The following AUTS2 variants were observed in gnomAD, a reference collection of about 807,000 sequenced individuals.
AUTS2 encodes the protein activator of transcription and developmental regulator AUTS2.
In AUTS2, 17 loss-of-function variants were observed where a neutral mutation model predicts 112.4. The ratio of observed to expected loss-of-function variants is 0.15; its 90% CI spans 0.10 to 0.23. The LOEUF (loss-of-function observed/expected upper bound fraction) is 0.23. Ranked by LOEUF, AUTS2 falls within the 10% of genes least tolerant of loss-of-function variation. AUTS2 has a pLI of 1.00. For missense variants in AUTS2, 1,510 were observed against 1,701.6 expected (o/e 0.89, Z 1.98); for synonymous variants, 751 against 702.7 (o/e 1.07, Z -1.09).
Position 70,750,678 on chromosome 7 carries a change from A to G in AUTS2, c.743-12192A>G, listed in dbSNP as rs143673163. Reference sequence around the variant, plus strand: ...TGGCCTCCCAAAGTGCTGGGATTACAGGCGTGAGCCACCACACCCGTCCAA... The same window carrying G: ...TGGCCTCCCAAAGTGCTGGGATTACGGGCGTGAGCCACCACACCCGTCCAA... On this transcript the variant is annotated intron_variant, in intron 6 of 18. Transcript: ENST00000342771. 8.7e-3 allele frequency among the ~76,000 whole-genome samples: 1,328 copies of G among 152,344 alleles called. 15 individuals carry two copies. The highest frequency in any genetic ancestry group is 0.031 in the African/African-American group (1,269 of 41,570).
intron 2 of AUTS2, among the ~76,000 whole-genome samples, chr7:70,060,493 A>T (rs1051457705): frequency 4.6e-5 from 7 of 152,182 alleles, no homozygotes; most frequent in Admixed American, 2.6e-4. Context: ...AATCTAAACC[A>T]CTGATCAAGG....
At chr7:70,553,547 CTGTCTT>C (rs1310002930) in intron 5 of AUTS2, among the ~76,000 whole-genome samples, 1 of 152,132 alleles carries the variant, frequency 6.6e-6, no homozygotes, top group Non-Finnish European at 1.5e-5. Flanking sequence ...AGTGTTGACT[CTGTCTT>C]TGTAGGCAAT....
intron 2 of AUTS2, among the ~76,000 whole-genome samples, chr7:69,953,467 T>A (rs1001989731): frequency 6.6e-6 from 1 of 152,158 alleles, no homozygotes; most frequent in African/African-American, 2.4e-5. Context: ...AAGAAACCAC[T>A]AACAGCAGTA....
chr7:70,781,488 TTC>T (rs1791076796), intron 14 of AUTS2, 125 bp from the exon 15 acceptor site: 2 of 1,173,792 alleles, frequency 1.7e-6, no homozygotes, highest in Admixed American at 2.6e-5. Context: ...TGTAGCTGCT[TTC>T]TCTCACAGTG....
At chr7:70,767,975 A>T in intron 9 of AUTS2, 49 bp from the exon 10 acceptor site, 1 of 1,594,458 alleles carries the variant, frequency 6.3e-7, no homozygotes, top group South Asian at 1.1e-5. Flanking sequence ...TGTAGCAGTG[A>T]ACAAAAATGC....
intron 4 of AUTS2, among the ~76,000 whole-genome samples, chr7:70,256,704 T>G (rs1199467932): frequency 1.3e-5 from 2 of 152,202 alleles, no homozygotes; most frequent in Non-Finnish European, 2.9e-5. Flanking sequence ...CTTTATGCCT[T>G]TGGTCCCTTT....
chr7:69,979,344 G>T (rs921982573), intron 2 of AUTS2, among the ~76,000 whole-genome samples: 1 of 152,166 alleles, frequency 6.6e-6, no homozygotes, highest in African/African-American at 2.4e-5. Context: ...TTTCTATCCT[G>T]TACTTTTTTC....
intron 1 of AUTS2, among the ~76,000 whole-genome samples, chr7:69,841,174 T>A (rs769118555): frequency 6.6e-6 from 1 of 152,190 alleles, no homozygotes; most frequent in Non-Finnish European, 1.5e-5. Context: ...TATTAGGCTG[T>A]TCTTGCATGG....
At chr7:70,407,136 T>C (rs1794571191) in intron 4 of AUTS2, among the ~76,000 whole-genome samples, 1 of 152,214 alleles carries the variant, frequency 6.6e-6, no homozygotes, top group Non-Finnish European at 1.5e-5. Context: ...GCGGACCCAG[T>C]TGATAGCTGC....
In AUTS2 at chr7:70,223,554, ATACT is replaced by A. The variant is rs1260255438; in HGVS notation, c.660+88985_660+88988del. On this transcript the variant is annotated intron_variant, in intron 4 of 18. Coordinates refer to ENST00000342771, the MANE Select transcript of AUTS2 (RefSeq NM_015570.4). The stretch of plus-strand genomic sequence containing the variant: ...CATATACAGTTATATACGGTATATA[ATACT>A]TGATAGTAAAAGACTATGTTACTGG... Among the ~76,000 whole-genome samples, 19 of 152,378 alleles carry A rather than the reference ATACT, an allele frequency of 1.2e-4. No homozygotes were observed. In the East Asian group the frequency reaches 3.5e-3, roughly 28 times the overall value.
intron 2 of AUTS2, among the ~76,000 whole-genome samples, chr7:69,945,877 T>C (rs1422863389): frequency 2.0e-5 from 3 of 152,182 alleles, no homozygotes; most frequent in Non-Finnish European, 4.4e-5. Flanking sequence ...AGATGGGCTC[T>C]TACTCTGTCA....
intron 5 of AUTS2, among the ~76,000 whole-genome samples, chr7:70,592,373 A>T (rs1010351257): frequency 4.0e-5 from 6 of 150,332 alleles, no homozygotes; most frequent in South Asian, 2.1e-4. Flanking sequence ...TATTTATTTT[A>T]TTTTTTTTTG....
chr7:70,528,031 G>A (rs2129496779), intron 5 of AUTS2, among the ~76,000 whole-genome samples: 1 of 151,122 alleles, frequency 6.6e-6, no homozygotes, highest in African/African-American at 2.4e-5. Context: ...TGTAAATTTA[G>A]AGGATGGGTA....
intron 1 of AUTS2, among the ~76,000 whole-genome samples, chr7:69,677,569 A>G (rs1481690217): frequency 2.6e-5 from 4 of 152,200 alleles, no homozygotes; most frequent in African/African-American, 7.2e-5. Context: ...GGAGAAACTG[A>G]CACTTATTGT....
chr7:70,517,046 G>A (rs538415072), intron 5 of AUTS2, among the ~76,000 whole-genome samples: 10 of 152,300 alleles, frequency 6.6e-5, no homozygotes, highest in Admixed American at 5.9e-4. Flanking sequence ...CACACTGGTA[G>A]TAAGAAGTAG....
At chr7:70,632,973 G>A (rs1179665173) in intron 5 of AUTS2, among the ~76,000 whole-genome samples, 10 of 151,512 alleles carry the variant, frequency 6.6e-5, no homozygotes, top group Non-Finnish European at 1.5e-4. Context: ...AGGAGCAGTA[G>A]GCAAAGCCCT....
intron 4 of AUTS2, among the ~76,000 whole-genome samples, chr7:70,251,887 A>G (rs905447414): frequency 1.3e-5 from 2 of 152,062 alleles, no homozygotes; most frequent in African/African-American, 4.8e-5. Context: ...CCCTTTACCT[A>G]GAGCCTCTGA....
chr7:70,566,528 A>G (rs934631166), intron 5 of AUTS2, among the ~76,000 whole-genome samples: 32 of 152,224 alleles, frequency 2.1e-4, no homozygotes, highest in Non-Finnish European at 1.5e-5. Flanking sequence ...AAACTATTAA[A>G]TATTGGAACA....
chr7:69,787,378 A>C (rs1789423549), intron 1 of AUTS2, among the ~76,000 whole-genome samples: 1 of 152,216 alleles, frequency 6.6e-6, no homozygotes, highest in African/African-American at 2.4e-5. Context: ...GTTTTACCAG[A>C]GAGGAGAAAT....
Sources: gnomAD v4.1 joint callset for allele counts (sites outside exome capture counted in the v4.1 genomes callset) on GRCh38, gnomAD v4.1.1 for gene constraint, MANE v1.5 for transcripts, NCBI Gene and HGNC (gene_info 2026-07-23, HGNC 2026-07-21) for gene names.